MYT1: variants seen among roughly 807,000 people sequenced by gnomAD.
MYT1 encodes myelin transcription factor 1.
In MYT1, 23 loss-of-function variants were observed where a neutral mutation model predicts 123.0. That is an observed-to-expected ratio of 0.19 (90% confidence interval 0.13 to 0.26). The LOEUF is 0.26. MYT1 is among the 10% of genes least tolerant of loss of function. The probability of loss-of-function intolerance (pLI) is 1.00; values close to 1 mark genes in which losing one functional copy is unlikely to be tolerated. For missense variants in MYT1, 1,125 were observed against 1,472.5 expected (o/e 0.76, Z 3.86); for synonymous variants, 518 against 575.3 (o/e 0.90, Z 1.43).
At position 64,221,975 on chromosome 20, in the gene MYT1, A is replaced by T. The variant is rs1160261633; in HGVS notation, c.2324A>T (p.Tyr775Phe). Reference sequence around the variant, plus strand: ...GAAGAGAATTTTGAGGAGCGGAAGTATCCGGGGGAAGTCACCCTGACCAAC... The same window carrying T: ...GAAGAGAATTTTGAGGAGCGGAAGTTTCCGGGGGAAGTCACCCTGACCAAC... ...VSEENFEERK[Y>F]PGEVTLTNFK... Residue 775 changes from tyrosine (Y) to phenylalanine (F), a missense_variant, in exon 14 of 23, where the codon TAT (tyrosine) becomes TTT (phenylalanine). Physicochemically the swap from Tyr to Phe is conservative, Grantham distance 22 (BLOSUM62 3). Transcript: ENST00000328439. The T allele has an allele frequency of 6.2e-7, 1 of 1,613,718 alleles. No individual in the cohort carries two copies. Among genetic ancestry groups the T allele is most frequent in the Non-Finnish European group, 8.5e-7 (1 of 1,180,036 alleles).
In MYT1 at chr20:64,190,216, C is replaced by G. The variant is rs1257905866; in HGVS notation, c.-1+56C>G. On this transcript the variant is annotated intron_variant, in intron 2 of 22. Transcript: ENST00000328439. This position sits in a 1 kb window ranked among gnomAD's most constrained non-coding sequence, Gnocchi z 4.1. ...GGGCCCCACCCCATGGCTGCCTGCA[C>G]AAAGCCTCTCTTCAGCTGCAGGCAT... 1.3e-5 allele frequency: 2 copies of G among 152,622 alleles called. No homozygotes were observed. The highest frequency in any genetic ancestry group is 4.8e-5 in the African/African-American group (2 of 41,462). The allele number at this position is 152,622 out of a possible 1,614,324, so 9.5% of individuals were successfully genotyped here.
At position 64,203,324 on chromosome 20, in the gene MYT1, A is replaced by G. The variant is rs564520023; in HGVS notation, c.87-1711A>G. Among the ~76,000 whole-genome samples the G allele has an allele frequency of 1.4e-4, 21 of 152,200 alleles. No homozygotes were observed. The highest frequency in any genetic ancestry group is 2.8e-4 in the Non-Finnish European group (19 of 68,020). On this transcript the variant is annotated intron_variant, in intron 4 of 22. Transcript: ENST00000328439. The surrounding 1 kb of genome is among the most constrained non-coding windows in gnomAD (Gnocchi z 5.1). The stretch of plus-strand genomic sequence containing the variant: ...ATTGGGACCTTAGCTTCAAATCCCC[A>G]TTAACAAGGAGCTTTTTTGTGAAAA...
chr20:64,235,244 A>G (rs1197985217), intron 19 of MYT1, among the ~76,000 whole-genome samples: 29 of 23,922 alleles, frequency 1.2e-3, no homozygotes, highest in South Asian at 8.9e-3. Flanking sequence ...TGGCCGTGGT[A>G]TGTGACCCCG....
At chr20:64,211,379 C>G in intron 8 of MYT1, 39 bp downstream of exon 8, 1 of 1,579,042 alleles carries the variant, frequency 6.3e-7, no homozygotes, top group Non-Finnish European at 8.6e-7. Context: ...AACTGTGAAG[C>G]TCACGCTGCC....
Position 64,186,077 on chromosome 20 carries a change from G to A in MYT1, c.-98-3986G>A, listed in dbSNP as rs1261605157. 4.6e-5 allele frequency among the ~76,000 whole-genome samples: 7 copies of A among 152,218 alleles called. No individual in the cohort carries two copies. Among genetic ancestry groups the A allele is most frequent in the Admixed American group, 4.6e-4 (7 of 15,284 alleles). On this transcript the variant is annotated intron_variant, in intron 1 of 22. Transcript: ENST00000328439. The surrounding 1 kb of genome is among the most constrained non-coding windows in gnomAD (Gnocchi z 4.3). The stretch of plus-strand genomic sequence containing the variant: ...TGTTGGAGTCTCTGGCCAGTGAGGG[G>A]TGGTTCCCTCTCCTCTGGACCTTTG...
At chr20:64,204,973 C>T (rs892718297) in intron 4 of MYT1, 62 bp from the exon 5 acceptor site, 9 of 1,556,160 alleles carry the variant, frequency 5.8e-6, no homozygotes, top group Admixed American at 3.4e-5. Context: ...TGAAGGTCTG[C>T]GACAGGCTCT....
In MYT1 at chr20:64,219,994, C is replaced by T. The variant is rs746106501; in HGVS notation, c.2241+12C>T. 74 of 1,457,052 alleles carry T rather than the reference C, an allele frequency of 5.1e-5. No individual in the cohort carries two copies. In the African/African-American group the frequency reaches 7.8e-4, roughly 15 times the overall value. The allele number at this position is 1,457,052 out of a possible 1,614,324, so 90.3% of individuals were successfully genotyped here. A position where few individuals can be genotyped will look rare whatever the true frequency, so the allele number is the denominator to read the frequency against. On this transcript the variant is annotated intron_variant, in intron 13 of 22. Coordinates refer to ENST00000328439, the MANE Select transcript of MYT1 (RefSeq NM_004535.3). ...AGGAACCTGAGGAGGTGGGTGCAGG[C>T]GCCTGGGCAAGCAGTCAGGCGGCTG...
intron 1 of MYT1, among the ~76,000 whole-genome samples, chr20:64,187,500 C>T (rs867547607): frequency 8.5e-5 from 13 of 152,126 alleles, no homozygotes; most frequent in African/African-American, 7.2e-5. Context: ...CCCCGGCATC[C>T]ACGTTTCCGT....
intron 1 of MYT1, among the ~76,000 whole-genome samples, chr20:64,169,330 C>T (rs1163642402): frequency 6.6e-6 from 1 of 152,220 alleles, no homozygotes; most frequent in East Asian, 1.9e-4. Flanking sequence ...ACCCGAGGCG[C>T]GTCCCCAATC....
chr20:64,239,670 C>T, intron 21 of MYT1, 90 bp from the exon 22 acceptor site: 2 of 1,571,150 alleles, frequency 1.3e-6, no homozygotes, highest in Non-Finnish European at 1.7e-6. Flanking sequence ...TCTGCATTCT[C>T]CCAGAGGGTT....
rs1982907992 is a variant in MYT1 at position 64,189,580 on chromosome 20, A to C, written c.-98-483A>C. Among the ~76,000 whole-genome samples, 10 of 152,324 alleles carry C rather than the reference A, an allele frequency of 6.6e-5. No individual in the cohort carries two copies. In the South Asian group the frequency reaches 2.1e-3, roughly 32 times the overall value. Reference sequence around the variant, plus strand: ...CCATGGGTGGATCTCACTTTCTTCAATCAATGGGCTCCAGAGAAGTCGTGC... The same window carrying C: ...CCATGGGTGGATCTCACTTTCTTCACTCAATGGGCTCCAGAGAAGTCGTGC... On this transcript the variant is annotated intron_variant, in intron 1 of 22. Transcript: ENST00000328439. The surrounding 1 kb of genome is among the most constrained non-coding windows in gnomAD (Gnocchi z 5.5).
At chr20:64,211,088 GCAGTCTCGCCTCCCTTCTCTCTGGA>G in intron 7 of MYT1, 93 bp from the exon 8 acceptor site, 1 of 1,133,402 alleles carries the variant, frequency 8.8e-7, no homozygotes. Flanking sequence ...AAGCTCATGG[GCAGTCTCGCCTCCCTTCTCTCTGGA>G]CAGCCAGAGA....
chr20:64,195,276 G>A (rs930428512), intron 2 of MYT1, among the ~76,000 whole-genome samples: 1 of 151,698 alleles, frequency 6.6e-6, no homozygotes, highest in Non-Finnish European at 1.5e-5. Flanking sequence ...CCCAACTCAG[G>A]GCACTCTGTT....
At chr20:64,182,695 G>A (rs1481683175) in intron 1 of MYT1, among the ~76,000 whole-genome samples, 1 of 152,040 alleles carries the variant, frequency 6.6e-6, no homozygotes, top group East Asian at 1.9e-4. Context: ...CAGGAGCAGG[G>A]AGTGATAGGC....
In MYT1 at chr20:64,192,126, G is replaced by T. The variant is rs951242746; in HGVS notation, c.-1+1966G>T. ...TTGGGACCTACCATGACAACCCATG[G>T]CTGTTCAAAGTGCTGCTTCTGTGAA... On this transcript the variant is annotated intron_variant, in intron 2 of 22. Coordinates refer to ENST00000328439, the MANE Select transcript of MYT1 (RefSeq NM_004535.3). The surrounding 1 kb of genome is among the most constrained non-coding windows in gnomAD (Gnocchi z 5.3). Among the ~76,000 whole-genome samples, 1 of 152,186 alleles carries T rather than the reference G, an allele frequency of 6.6e-6. No homozygotes were observed. Among genetic ancestry groups the T allele is most frequent in the African/African-American group, 2.4e-5 (1 of 41,458 alleles).
intron 10 of MYT1, 40 bp from the exon 11 acceptor site, chr20:64,217,027 T>A (rs554746367): frequency 6.3e-7 from 1 of 1,577,592 alleles, no homozygotes; most frequent in South Asian, 1.1e-5. Flanking sequence ...GATCCCCAGG[T>A]CCCATCTCAC....
chr20:64,240,565 G>A lies in MYT1; in HGVS notation c.*117G>A, dbSNP rs1984691096. On this transcript the variant is annotated 3_prime_UTR_variant, in exon 23 of 23. Coordinates refer to ENST00000328439, the MANE Select transcript of MYT1 (RefSeq NM_004535.3). ...TTCCCGTTTGGGGCCCGGTGTGGCC[G>A]CGGGCGGGTTTATCCAAAGGGATGG... The A allele has an allele frequency of 1.1e-5, 15 of 1,398,492 alleles. No homozygotes were observed. The highest frequency in any genetic ancestry group is 2.6e-4 in the Middle Eastern group (1 of 3,828). 86.6% of individuals were successfully genotyped at this position (1,398,492 alleles called of 1,614,324 possible).
chr20:64,224,358 T>C (rs1001435960), intron 16 of MYT1, among the ~76,000 whole-genome samples: 2 of 152,182 alleles, frequency 1.3e-5, no homozygotes, highest in Admixed American at 6.5e-5. Flanking sequence ...ATGAACTTGC[T>C]GAAGGCTTCT....
chr20:64,200,085 A>G (rs971707457), intron 4 of MYT1, among the ~76,000 whole-genome samples, 163 bp downstream of exon 4: 3 of 152,128 alleles, frequency 2.0e-5, no homozygotes, highest in Non-Finnish European at 4.4e-5. Context: ...GTGTCCAGCT[A>G]TCTTGGCCCC....
Sources: allele counts gnomAD v4.1 joint callset (sites outside exome capture counted in the v4.1 genomes callset), GRCh38; gene constraint gnomAD v4.1.1; non-coding constraint Gnocchi (gnomAD v3.1); transcripts MANE v1.5; gene names NCBI Gene and HGNC (gene_info 2026-07-23, HGNC 2026-07-21).